The following MAP2 variants were observed in gnomAD, a reference collection of about 807,000 sequenced individuals.
MAP2 encodes microtubule-associated protein 2.
In MAP2, 14 loss-of-function variants were observed where a neutral mutation model predicts 137.6. That is an observed-to-expected ratio of 0.10 (90% CI 0.07 to 0.16). The LOEUF is 0.16. Among genes scored for constraint, MAP2 ranks in the 10% least tolerant of loss-of-function variants. The pLI is 1.00. For synonymous variants in MAP2, 786 were observed against 782.3 expected (o/e 1.00, Z -0.08); for missense variants, 2,088 against 2,191.5 (o/e 0.95, Z 0.94).
chr2:209,461,222 T>A (rs1002925919), intron 1 of MAP2, among the ~76,000 whole-genome samples: 2 of 152,194 alleles, frequency 1.3e-5, no homozygotes, highest in East Asian at 3.8e-4. Flanking sequence ...AAATCTGTGC[T>A]CTCCAAAATG....
intron 5 of MAP2, among the ~76,000 whole-genome samples, chr2:209,654,665 G>A (rs2153613958): frequency 6.6e-6 from 1 of 151,556 alleles, no homozygotes; most frequent in East Asian, 1.9e-4. Context: ...GGTGGAACTT[G>A]GGTGTCAGGA....
intron 3 of MAP2, among the ~76,000 whole-genome samples, chr2:209,593,518 C>G (rs1276019482): frequency 7.1e-6 from 1 of 141,500 alleles, no homozygotes; most frequent in Non-Finnish European, 1.5e-5. Flanking sequence ...TGTGGTAACT[C>G]TCATCTGTAA....
At chr2:209,661,564 G>A (rs1180872160) in intron 5 of MAP2, 13 of 985,352 alleles carry the variant, frequency 1.3e-5, no homozygotes, top group African/African-American at 1.7e-5. Context: ...TGGTGGCACC[G>A]ATGGATGAGG....
chr2:209,454,767 G>T (rs550090904), intron 1 of MAP2, among the ~76,000 whole-genome samples: 29 of 152,246 alleles, frequency 1.9e-4, no homozygotes, highest in African/African-American at 6.3e-4. Context: ...TTGTGTACTA[G>T]ACTAAGGGTT....
intron 1 of MAP2, among the ~76,000 whole-genome samples, chr2:209,502,999 C>CTTTTTTTTTTTTTTTTTTTTTTTT (rs71043931): frequency 7.6e-6 from 1 of 131,344 alleles, no homozygotes; most frequent in Non-Finnish European, 1.6e-5. Context: ...GATTTTTTTT[C>CTTTTTTTTTTTTTTTTTTTTTTTT]TTTTTTTTTT....
chr2:209,611,333 A>T (rs959774055), intron 3 of MAP2, among the ~76,000 whole-genome samples: 1 of 152,128 alleles, frequency 6.6e-6, no homozygotes, highest in African/African-American at 2.4e-5. Context: ...CCAGGATCCC[A>T]GGTGATTTTG....
rs115904430 is a variant in MAP2, at chr2:209,612,020, G to A, written c.-106-13033G>A. Among the ~76,000 whole-genome samples, 3 of 152,116 alleles carry A rather than the reference G, an allele frequency of 2.0e-5. No individual in the cohort carries two copies. In the South Asian group the frequency reaches 6.2e-4, roughly 32 times the overall value. ...CCTTAAAGCAGCTGGAAAAAGACAG[G>A]TCTGTTAGGTTGCTTTAAGACATGA... On this transcript the variant is annotated intron_variant, in intron 3 of 15. Transcript: ENST00000682079.
intron 7 of MAP2, among the ~76,000 whole-genome samples, chr2:209,685,405 A>T (rs945622212): frequency 6.6e-6 from 1 of 152,166 alleles, no homozygotes; most frequent in Non-Finnish European, 1.5e-5. Flanking sequence ...ATGAGAATCT[A>T]ATGTCTTCTG....
chr2:209,441,630 A>G (rs1697801343), intron 1 of MAP2, among the ~76,000 whole-genome samples: 1 of 151,638 alleles, frequency 6.6e-6, no homozygotes, highest in Non-Finnish European at 1.5e-5. Context: ...CAGTGCAATC[A>G]GAGTAAGAAA....
At chr2:209,496,049 G>A (rs765429751) in intron 1 of MAP2, among the ~76,000 whole-genome samples, 1 of 152,164 alleles carries the variant, frequency 6.6e-6, no homozygotes, top group African/African-American at 2.4e-5. Flanking sequence ...AAACATGTCA[G>A]AGTACAGAAC....
intron 5 of MAP2, among the ~76,000 whole-genome samples, chr2:209,676,524 C>A (rs1553648981): frequency 6.6e-6 from 1 of 151,346 alleles, no homozygotes; most frequent in Non-Finnish European, 1.5e-5. Context: ...TGCACATGTA[C>A]CCCTGAACTT....
intron 13 of MAP2, among the ~76,000 whole-genome samples, chr2:209,724,999 A>G (rs1369164510): frequency 6.6e-6 from 1 of 152,218 alleles, no homozygotes; most frequent in Non-Finnish European, 1.5e-5. Context: ...ATTTTCCTCT[A>G]GGAAAGAATC....
At chr2:209,530,001 A>G (rs973844265) in intron 2 of MAP2, among the ~76,000 whole-genome samples, 2 of 147,296 alleles carry the variant, frequency 1.4e-5, no homozygotes, top group African/African-American at 5.1e-5. Context: ...CCACATGGGG[A>G]AGAATTACAA....
chr2:209,455,804 A>G (rs950863816), intron 1 of MAP2, among the ~76,000 whole-genome samples: 1 of 152,146 alleles, frequency 6.6e-6, no homozygotes, highest in East Asian at 1.9e-4. Flanking sequence ...TTCTTAAGGT[A>G]TTAATTATTC....
chr2:209,689,643 G>A (rs924442569), intron 7 of MAP2, among the ~76,000 whole-genome samples: 3 of 152,056 alleles, frequency 2.0e-5, no homozygotes, highest in African/African-American at 7.2e-5. Flanking sequence ...GGTTTGGGGG[G>A]TGGTTATTTT....
rs1017672936 is a variant in MAP2 at position 209,705,572 on chromosome 2, C to G, written c.4585-8C>G. On this transcript the variant is annotated splice_polypyrimidine_tract_variant and splice_region_variant and intron_variant, in intron 11 of 15. Transcript: ENST00000682079. ...GAACCCAATGTTCTTTTTGTTTTCT[C>G]CAATCAGGACGGAGTAACCAAGAGC... 5.7e-6 allele frequency: 9 copies of G among 1,573,338 alleles called. No homozygotes were observed. In the Admixed American group the frequency reaches 9.7e-5, roughly 17 times the overall value.
At chr2:209,705,467 G>T (rs2063133695) in intron 11 of MAP2, 113 bp from the exon 12 acceptor site, 1 of 761,388 alleles carries the variant, frequency 1.3e-6, no homozygotes, top group East Asian at 2.8e-5. Context: ...CCAGTAGTTT[G>T]TATTAAAAGA....
At chr2:209,684,467 T>A (rs2056201117) in intron 7 of MAP2, among the ~76,000 whole-genome samples, 1 of 152,208 alleles carries the variant, frequency 6.6e-6, no homozygotes, top group African/African-American at 2.4e-5. Context: ...TATGCTGTGA[T>A]GCCACAACAA....
At chr2:209,472,544 C>T (rs993780873) in intron 1 of MAP2, among the ~76,000 whole-genome samples, 2 of 152,136 alleles carry the variant, frequency 1.3e-5, no homozygotes, top group East Asian at 1.9e-4. Flanking sequence ...GTCTGCTATT[C>T]GTTTCCAGAA....
Sources: allele counts gnomAD v4.1 joint callset (sites outside exome capture counted in the v4.1 genomes callset), GRCh38; gene constraint gnomAD v4.1.1; transcripts MANE v1.5; gene names NCBI Gene and HGNC (gene_info 2026-07-23, HGNC 2026-07-21).